Variants in ADAM20 observed in about 807,000 individuals in gnomAD.
ADAM20 encodes ADAM metallopeptidase domain 20, also known as disintegrin and metalloproteinase domain-containing protein 20.
For missense variants in ADAM20, 871 were observed against 883.2 expected (o/e 0.99, Z 0.18); for synonymous variants, 305 against 310.2 (o/e 0.98, Z 0.18).
At chr14:70,526,529 A>C (rs1883594693) in intron 1 of ADAM20, among the ~76,000 whole-genome samples, 2 of 152,212 alleles carry the variant, frequency 1.3e-5, no homozygotes, top group Non-Finnish European at 2.9e-5. Flanking sequence ...AAATGGGTGA[A>C]TTGAGAGAGG....
At chr14:70,533,197 C>T (rs968389624) in intron 1 of ADAM20, among the ~76,000 whole-genome samples, 6 of 152,168 alleles carry the variant, frequency 3.9e-5, no homozygotes, top group Non-Finnish European at 8.8e-5. Context: ...TGTGGCAATT[C>T]CTCAAGGATC....
At chr14:70,541,727 T>A in the ADAM20 span, among the ~76,000 whole-genome samples, 2 of 152,218 alleles carry the variant, frequency 1.3e-5, no homozygotes, top group African/African-American at 4.8e-5. Flanking sequence ...TTTGTATAAA[T>A]ATGTTATTGG....
the ADAM20 span, among the ~76,000 whole-genome samples, chr14:70,560,485 T>C: frequency 6.6e-6 from 1 of 151,912 alleles, no homozygotes; most frequent in South Asian, 2.1e-4. Context: ...AAAACACCTA[T>C]GAGCAAACCT....
the ADAM20 span, among the ~76,000 whole-genome samples, chr14:70,565,343 C>T: frequency 2.6e-5 from 4 of 151,688 alleles, no homozygotes; most frequent in African/African-American, 4.8e-5. Context: ...AAAGAGAAAG[C>T]GGTAAAAACC....
intron 1 of ADAM20, among the ~76,000 whole-genome samples, chr14:70,526,582 T>A (rs1430863661): frequency 6.6e-6 from 1 of 152,166 alleles, no homozygotes; most frequent in African/African-American, 2.4e-5. Flanking sequence ...AAACCTATAT[T>A]ACATATAGTC....
At chr14:70,569,866 C>T in the ADAM20 span, among the ~76,000 whole-genome samples, 2 of 107,180 alleles carry the variant, frequency 1.9e-5, no homozygotes, top group South Asian at 6.6e-4. Flanking sequence ...TTAGACAGAT[C>T]ACTGAGGCAG....
the ADAM20 span, among the ~76,000 whole-genome samples, chr14:70,562,306 A>G: frequency 1.3e-5 from 2 of 152,140 alleles, no homozygotes; most frequent in African/African-American, 2.4e-5. Context: ...AATTTCTCCC[A>G]TTTTGAATGG....
At chr14:70,557,878 G>A in the ADAM20 span, among the ~76,000 whole-genome samples, 1 of 152,090 alleles carries the variant, frequency 6.6e-6, no homozygotes, top group Non-Finnish European at 1.5e-5. Flanking sequence ...TGATTAAGAA[G>A]ATATGATCAA....
the ADAM20 span, among the ~76,000 whole-genome samples, chr14:70,570,773 T>A: frequency 2.0e-5 from 3 of 151,796 alleles, no homozygotes; most frequent in African/African-American, 7.3e-5. Flanking sequence ...AAAACTAGCA[T>A]CACCCTGGTA....
chr14:70,558,662 A>T, the ADAM20 span, among the ~76,000 whole-genome samples: 4 of 152,176 alleles, frequency 2.6e-5, no homozygotes, highest in African/African-American at 9.7e-5. Context: ...AAGTTATTGG[A>T]GGGGAGACAT....
intron 1 of ADAM20, among the ~76,000 whole-genome samples, chr14:70,531,490 T>C (rs1883710053): frequency 6.6e-6 from 1 of 152,020 alleles, no homozygotes; most frequent in Admixed American, 6.5e-5. Flanking sequence ...TATAAAACAG[T>C]ATGGGAAGTC....
In ADAM20 at chr14:70,522,717, T is replaced by C; in HGVS notation, c.2041A>G (p.Asn681Asp). 9 of 1,613,998 alleles carry C rather than the reference T, an allele frequency of 5.6e-6. No homozygotes were observed. The highest frequency in any genetic ancestry group is 6.8e-6 in the Non-Finnish European group (8 of 1,179,924). Residue 681 changes from asparagine to aspartate, a missense_variant, in exon 2 of 2, where the codon AAC becomes GAC. Asn to Asp is a conservative substitution (Grantham distance 23, BLOSUM62 1). Coordinates refer to ENST00000256389, the MANE Select transcript of ADAM20 (RefSeq NM_003814.5). Reference sequence around the variant, plus strand: ...CCCATCACATTTAATCCTTCCATGTTGTTCTTAGGAGGTGGGCCACTATCA... The same window carrying C: ...CCCATCACATTTAATCCTTCCATGTCGTTCTTAGGAGGTGGGCCACTATCA... ...SADSGPPPKN[N>D]MEGLNVMGKL... is the part of the protein sequence containing the mutation.
At chr14:70,556,843 C>A in the ADAM20 span, 1 of 152,120 alleles carries the variant, frequency 6.6e-6, no homozygotes, top group Non-Finnish European at 1.5e-5. Context: ...TGGGAGTATA[C>A]CTCAAAAAAC....
At chr14:70,533,997 C>T (rs544786184) in intron 1 of ADAM20, among the ~76,000 whole-genome samples, 6 of 146,070 alleles carry the variant, frequency 4.1e-5, no homozygotes, top group Admixed American at 1.4e-4. Context: ...GAAGGATAAT[C>T]GCTTGAGCCT....
chr14:70,573,864 C>T, the ADAM20 span, among the ~76,000 whole-genome samples: 32 of 152,196 alleles, frequency 2.1e-4, no homozygotes, highest in African/African-American at 7.7e-4. Context: ...ATCAGGGCAC[C>T]TAAAGATATA....
the ADAM20 span, among the ~76,000 whole-genome samples, chr14:70,544,860 T>C: frequency 6.6e-6 from 1 of 152,122 alleles, no homozygotes; most frequent in Non-Finnish European, 1.5e-5. Context: ...TTAATAGATG[T>C]TTAAATTTTT....
At chr14:70,555,459 T>A in the ADAM20 span, among the ~76,000 whole-genome samples, 3 of 152,338 alleles carry the variant, frequency 2.0e-5, no homozygotes, top group Middle Eastern at 3.4e-3. Context: ...GAATTTTCTA[T>A]AACATGCACA....
the ADAM20 span, among the ~76,000 whole-genome samples, chr14:70,568,894 C>T: frequency 6.6e-6 from 1 of 151,970 alleles, no homozygotes; most frequent in Non-Finnish European, 1.5e-5. Context: ...GGAAATAATT[C>T]AGGAAAATTT....
chr14:70,554,440 T>C, the ADAM20 span, among the ~76,000 whole-genome samples: 1 of 152,186 alleles, frequency 6.6e-6, no homozygotes, highest in Admixed American at 6.5e-5. Flanking sequence ...CACTCTCATG[T>C]TCACTGCAGC....
Sources: gnomAD v4.1 joint callset for allele counts (sites outside exome capture counted in the v4.1 genomes callset) on GRCh38, gnomAD v4.1.1 for gene constraint, MANE v1.5 for transcripts, NCBI Gene and HGNC (gene_info 2026-07-23, HGNC 2026-07-21) for gene names.